FAT3: variants seen among roughly 807,000 people sequenced by gnomAD.
FAT3 encodes protocadherin Fat 3.
Under a neutral mutation model 310.2 loss-of-function variants are expected in FAT3, and 95 were observed. The observed-to-expected ratio is 0.31, with a 90% CI of 0.26 to 0.36. The LOEUF is 0.36. Ranked by LOEUF, FAT3 falls within the 10% of genes least tolerant of loss-of-function variation. The probability of loss-of-function intolerance (pLI) is 1.00; values close to 1 mark genes in which losing one functional copy is unlikely to be tolerated. For missense variants in FAT3, 5,408 were observed against 5,715.6 expected (o/e 0.95, Z 1.74); for synonymous variants, 2,314 against 2,192.9 (o/e 1.06, Z -1.54).
At chr11:92,820,702 T>A (rs1023716283) in intron 13 of FAT3, among the ~76,000 whole-genome samples, 5 of 152,088 alleles carry the variant, frequency 3.3e-5, no homozygotes, top group African/African-American at 1.2e-4. Context: ...TCAAGAGAAA[T>A]GCTGAGCCAT....
chr11:92,389,760 G>A (rs1949706381), intron 2 of FAT3, among the ~76,000 whole-genome samples: 1 of 152,150 alleles, frequency 6.6e-6, no homozygotes, highest in African/African-American at 2.4e-5. Context: ...AATTGCCGAT[G>A]ATCACATGAG....
chr11:92,321,403 C>T (rs1419341341), intron 1 of FAT3, among the ~76,000 whole-genome samples: 1 of 151,278 alleles, frequency 6.6e-6, no homozygotes, highest in African/African-American at 2.4e-5. Context: ...CGCCACTGCA[C>T]TCCAGCCTGA....
intron 13 of FAT3, among the ~76,000 whole-genome samples, chr11:92,814,326 T>G (rs1361832986): frequency 6.6e-6 from 1 of 152,216 alleles, no homozygotes; most frequent in Non-Finnish European, 1.5e-5. Context: ...TTTAAGAAAT[T>G]TAAAATATAT....
chr11:92,452,924 C>T (rs1951398886), intron 2 of FAT3, among the ~76,000 whole-genome samples: 1 of 152,040 alleles, frequency 6.6e-6, no homozygotes, highest in African/African-American at 2.4e-5. Flanking sequence ...TAGGTGTGTG[C>T]TGCCATACCC....
At chr11:92,323,178 G>C (rs1947670910) in intron 1 of FAT3, among the ~76,000 whole-genome samples, 1 of 151,848 alleles carries the variant, frequency 6.6e-6, no homozygotes, top group African/African-American at 2.4e-5. Flanking sequence ...GAGTGACCAG[G>C]TACATTGTTA....
chr11:92,389,229 A>G (rs1317630345), intron 2 of FAT3, among the ~76,000 whole-genome samples: 2 of 152,186 alleles, frequency 1.3e-5, no homozygotes, highest in African/African-American at 2.4e-5. Context: ...ACAAAATGCC[A>G]TAGACTGGGT....
At chr11:92,501,645 CTCT>C (rs1952943008) in intron 2 of FAT3, among the ~76,000 whole-genome samples, 1 of 151,744 alleles carries the variant, frequency 6.6e-6, no homozygotes, top group Admixed American at 6.6e-5. Flanking sequence ...CTGTCTTTCT[CTCT>C]TCTTTGTCTT....
intron 2 of FAT3, among the ~76,000 whole-genome samples, chr11:92,403,937 G>A (rs1950079869): frequency 2.6e-5 from 4 of 152,042 alleles, no homozygotes; most frequent in Admixed American, 2.0e-4. Context: ...TTGGGATGCT[G>A]AGGAAGGATA....
chr11:92,883,851 A>T lies in FAT3; in HGVS notation c.12937+458A>T, dbSNP rs968386620. The stretch of plus-strand genomic sequence containing the variant: ...GTGTGCTCTGGAAGGCTGGAAGAAG[A>T]GAGTATTTCCAGTCTTAGAATGAAG... On this transcript the variant is annotated intron_variant, in intron 24 of 27. Transcript: ENST00000525166. The surrounding 1 kb of genome is among the most constrained non-coding windows in gnomAD (Gnocchi z 4.2). Among the ~76,000 whole-genome samples, 4 of 152,194 alleles carry T rather than the reference A, an allele frequency of 2.6e-5. No homozygotes were observed. Among genetic ancestry groups the T allele is most frequent in the Admixed American group, 2.0e-4 (3 of 15,286 alleles).
intron 26 of FAT3, among the ~76,000 whole-genome samples, chr11:92,889,545 G>A (rs1342784368): frequency 6.6e-6 from 1 of 152,112 alleles, no homozygotes; most frequent in East Asian, 1.9e-4. Context: ...TGTGTTCATT[G>A]AGCACCTATT....
chr11:92,649,898 T>C lies in FAT3; in HGVS notation c.3608-47486T>C, dbSNP rs1419252870. 1.1e-3 allele frequency among the ~76,000 whole-genome samples: 70 copies of C among 65,314 alleles called. 1 individual carries two copies. The highest frequency in any genetic ancestry group is 3.6e-3 in the African/African-American group (62 of 17,316). 42.8% of individuals were successfully genotyped at this position (65,314 alleles called of 152,430 possible). On this transcript the variant is annotated intron_variant, in intron 3 of 27. Coordinates refer to ENST00000525166, the MANE Select transcript of FAT3 (RefSeq NM_001367949.2). ...TCATATATATATATATATATATATA[T>C]ATATATATATATATATATGCACCTT...
chr11:92,885,313 A>G (rs1318239152), intron 24 of FAT3, among the ~76,000 whole-genome samples: 5 of 152,174 alleles, frequency 3.3e-5, no homozygotes, highest in Non-Finnish European at 1.5e-5. Flanking sequence ...CATTCCACGG[A>G]GGAAAAAACT....
chr11:92,818,509 C>T (rs1221679661), intron 13 of FAT3, among the ~76,000 whole-genome samples: 5 of 72,700 alleles, frequency 6.9e-5, no homozygotes, highest in African/African-American at 2.6e-4. Context: ...TCCTCGCAGC[C>T]TCATCCCTCA....
intron 3 of FAT3, among the ~76,000 whole-genome samples, chr11:92,609,004 T>C (rs1037810611): frequency 1.3e-5 from 2 of 152,312 alleles, no homozygotes; most frequent in South Asian, 2.1e-4. Flanking sequence ...TACTCCCGAA[T>C]TTTGCATTTC....
chr11:92,630,117 G>T (rs1941500159), intron 3 of FAT3, among the ~76,000 whole-genome samples: 1 of 151,952 alleles, frequency 6.6e-6, no homozygotes, highest in African/African-American at 2.4e-5. Context: ...AAATGCTTTT[G>T]CCAGGATCGC....
chr11:92,690,227 T>G (rs1943759542), intron 3 of FAT3, among the ~76,000 whole-genome samples: 1 of 152,346 alleles, frequency 6.6e-6, no homozygotes, highest in Non-Finnish European at 1.5e-5. Context: ...AAATGAAATG[T>G]ATCTGTTACA....
rs1946376076 is a variant in FAT3, at chr11:92,768,455, C to T, written c.4195+3366C>T. Reference sequence around the variant, plus strand: ...TATGGTCCACGTTCCACCAAATCCTCCTTTTGAAAATCTTTCTAATCCATC... The same window carrying T: ...TATGGTCCACGTTCCACCAAATCCTTCTTTTGAAAATCTTTCTAATCCATC... On this transcript the variant is annotated intron_variant, in intron 6 of 27. Transcript: ENST00000525166. Among the ~76,000 whole-genome samples the T allele has an allele frequency of 2.6e-5, 4 of 152,198 alleles. No homozygotes were observed. The South Asian group carries it at 8.3e-4, about 31-fold the overall frequency.
chr11:92,746,498 A>T (rs770379302), intron 4 of FAT3, among the ~76,000 whole-genome samples: 2 of 152,158 alleles, frequency 1.3e-5, no homozygotes, highest in Non-Finnish European at 2.9e-5. Flanking sequence ...TTGGGTGGGG[A>T]TATGGCCAAA....
At chr11:92,770,332 T>C (rs920754081) in intron 6 of FAT3, among the ~76,000 whole-genome samples, 1 of 152,212 alleles carries the variant, frequency 6.6e-6, no homozygotes, top group Admixed American at 6.5e-5. Flanking sequence ...AGAGATTTTC[T>C]TTCCAGCCAC....
Sources: allele counts gnomAD v4.1 joint callset (sites outside exome capture counted in the v4.1 genomes callset), GRCh38; gene constraint gnomAD v4.1.1; non-coding constraint Gnocchi (gnomAD v3.1); transcripts MANE v1.5; gene names NCBI Gene and HGNC (gene_info 2026-07-23, HGNC 2026-07-21).